The following PRELID2 variants were observed in gnomAD, a reference collection of about 807,000 sequenced individuals.
The protein encoded by PRELID2 is PRELI domain containing 2.
A neutral mutation model predicts 28.4 loss-of-function variants in PRELID2; 25 were observed. That is an observed-to-expected ratio of 0.88 (90% CI 0.64 to 1.23). The LOEUF (loss-of-function observed/expected upper bound fraction) is 1.23, where lower values mean the gene tolerates loss of function less well. Among genes scored for constraint, PRELID2 ranks in the 50% most tolerant of loss-of-function variants. The pLI is 0.00. For synonymous variants in PRELID2, 76 were observed against 71.6 expected, an observed-to-expected ratio of 1.06 and a Z score of -0.31; for missense variants, 201 against 214.4, an observed-to-expected ratio of 0.94 and a Z score of 0.39.
At chr5:145,335,332 T>C in the PRELID2 span, among the ~76,000 whole-genome samples, 1 of 152,058 alleles carries the variant, frequency 6.6e-6, no homozygotes, top group South Asian at 2.1e-4. Flanking sequence ...TTTATATCTC[T>C]TTGTATAACT....
chr5:145,441,092 A>C, the PRELID2 span: 1 of 152,120 alleles, frequency 6.6e-6, no homozygotes, highest in Non-Finnish European at 1.5e-5. Context: ...ACAAAAATGG[A>C]AACGGCTGAG....
intron 1 of PRELID2, among the ~76,000 whole-genome samples, chr5:145,722,328 C>A (rs1581098758): frequency 6.6e-6 from 1 of 152,238 alleles, no homozygotes; most frequent in East Asian, 1.9e-4. Context: ...GAGACAGAGT[C>A]TCGCTCTGTC....
chr5:145,439,996 C>T, the PRELID2 span, among the ~76,000 whole-genome samples: 1 of 152,092 alleles, frequency 6.6e-6, no homozygotes, highest in Non-Finnish European at 1.5e-5. Flanking sequence ...CTTACCAGCT[C>T]TGTATCTTCC....
At chr5:145,318,072 A>G in the PRELID2 span, among the ~76,000 whole-genome samples, 3 of 152,138 alleles carry the variant, frequency 2.0e-5, no homozygotes, top group Non-Finnish European at 4.4e-5. Flanking sequence ...GGCACTGTAT[A>G]TTTGTCTTAT....
chr5:145,688,898 G>C (rs1003839011), intron 1 of PRELID2, among the ~76,000 whole-genome samples: 1 of 152,204 alleles, frequency 6.6e-6, no homozygotes, highest in African/African-American at 2.4e-5. Flanking sequence ...GGTAGACTGA[G>C]ACTGTTTCAA....
At chr5:145,606,182 T>A (rs1204806181) in intron 1 of PRELID2, among the ~76,000 whole-genome samples, 4 of 152,134 alleles carry the variant, frequency 2.6e-5, no homozygotes, top group Non-Finnish European at 5.9e-5. Context: ...GACTATGGGG[T>A]TGTCTAGGTA....
the PRELID2 span, among the ~76,000 whole-genome samples, chr5:145,359,971 A>T: frequency 2.0e-5 from 3 of 152,222 alleles, no homozygotes; most frequent in African/African-American, 7.2e-5. Context: ...AAACTAGAGA[A>T]AAAAGAATTC....
At chr5:145,803,561 A>C (rs1753291241) in intron 4 of PRELID2, among the ~76,000 whole-genome samples, 1 of 152,150 alleles carries the variant, frequency 6.6e-6, no homozygotes, top group Non-Finnish European at 1.5e-5. Context: ...GCTCTTCTCT[A>C]AAATGGGGTT....
At chr5:145,665,212 G>C (rs1003664056) in intron 1 of PRELID2, among the ~76,000 whole-genome samples, 2 of 152,038 alleles carry the variant, frequency 1.3e-5, no homozygotes, top group Non-Finnish European at 2.9e-5. Context: ...GTCAACACAA[G>C]AGAGTTTCAG....
intron 1 of PRELID2, among the ~76,000 whole-genome samples, chr5:145,670,396 C>T (rs938402717): frequency 6.6e-6 from 1 of 152,086 alleles, no homozygotes; most frequent in Admixed American, 6.6e-5. Flanking sequence ...CAAACACCTC[C>T]CCACTTGGCC....
chr5:145,742,585 G>A (rs1215007612), intron 1 of PRELID2, among the ~76,000 whole-genome samples: 1 of 146,984 alleles, frequency 6.8e-6, no homozygotes, highest in Non-Finnish European at 1.5e-5. Flanking sequence ...ATCATAATGT[G>A]TGGAACAGAA....
chr5:145,229,211 C>T, the PRELID2 span: 1 of 812,412 alleles, frequency 1.2e-6, no homozygotes, highest in African/African-American at 1.7e-5. Context: ...TCATCTGCTA[C>T]TCGCTGGCCC....
the PRELID2 span, among the ~76,000 whole-genome samples, chr5:145,300,486 TAA>T: frequency 6.6e-6 from 1 of 152,046 alleles, no homozygotes; most frequent in African/African-American, 2.4e-5. Context: ...TTTTAAAATA[TAA>T]GTTTTTATTT....
chr5:145,480,244 G>T (rs1226331996), intron 1 of PRELID2, among the ~76,000 whole-genome samples: 1 of 152,144 alleles, frequency 6.6e-6, no homozygotes, highest in East Asian at 1.9e-4. Flanking sequence ...AAATATTAGT[G>T]AATTATGTCA....
chr5:145,702,225 C>A (rs1755426008), intron 1 of PRELID2, among the ~76,000 whole-genome samples: 1 of 152,090 alleles, frequency 6.6e-6, no homozygotes, highest in Admixed American at 6.5e-5. Context: ...AGTGAGCTAG[C>A]AAATTTATGA....
rs73304033 is a variant in PRELID2 at position 145,738,494 on chromosome 5, T to C, written n.70+26437A>G. ...AATGTGAGCAAAAAAATAGAAGATA[T>C]AAAGAGCCAAATGGAAAATTAGAAC... On this transcript the variant is annotated intron_variant and non_coding_transcript_variant, in intron 1 of 2. Transcript: ENST00000510259. Among the ~76,000 whole-genome samples the C allele has an allele frequency of 2.2e-3, 327 of 151,806 alleles. 2 individuals carry two copies. The highest frequency in any genetic ancestry group is 7.0e-3 in the African/African-American group (288 of 41,362).
the PRELID2 span, among the ~76,000 whole-genome samples, chr5:145,455,528 T>C: frequency 1.3e-5 from 2 of 152,204 alleles, no homozygotes; most frequent in Non-Finnish European, 2.9e-5. Context: ...TATAAATTAC[T>C]TTGGGCAGTA....
chr5:145,478,903 C>G (rs745756867), intron 1 of PRELID2, among the ~76,000 whole-genome samples: 40 of 152,226 alleles, frequency 2.6e-4, no homozygotes, highest in Admixed American at 5.9e-4. Flanking sequence ...CATAACAGAG[C>G]CAAAAACTGC....
chr5:145,271,275 A>T, the PRELID2 span, among the ~76,000 whole-genome samples: 2 of 152,154 alleles, frequency 1.3e-5, no homozygotes, highest in East Asian at 3.9e-4. Flanking sequence ...ACACCCTGTC[A>T]CCCAGGCTGG....
Sources: gnomAD v4.1 joint callset for allele counts (sites outside exome capture counted in the v4.1 genomes callset) on GRCh38, gnomAD v4.1.1 for gene constraint, MANE v1.5 for transcripts, NCBI Gene and HGNC (gene_info 2026-07-23, HGNC 2026-07-21) for gene names.